ZSWIM8: variants seen among roughly 807,000 people sequenced by gnomAD.
The protein encoded by ZSWIM8 is zinc finger SWIM domain-containing protein 8.
In ZSWIM8, 27 loss-of-function variants were observed where a neutral mutation model predicts 173.7. The observed-to-expected ratio is 0.16, with a 90% CI of 0.11 to 0.21. The LOEUF (loss-of-function observed/expected upper bound fraction) is 0.21, where lower values mean the gene tolerates loss of function less well. Among genes scored for constraint, ZSWIM8 ranks in the 10% least tolerant of loss-of-function variants. The pLI, the probability that ZSWIM8 is intolerant of heterozygous loss-of-function variation, is 1.00. For missense variants in ZSWIM8, 1,627 were observed against 2,428.8 expected (o/e 0.67, Z 6.94); for synonymous variants, 958 against 962.0 (o/e 1.00, Z 0.08).
At chr10:73,788,215 A>G (rs1305226434) in intron 1 of ZSWIM8, among the ~76,000 whole-genome samples, 3 of 151,612 alleles carry the variant, frequency 2.0e-5, no homozygotes, top group South Asian at 2.1e-4. Context: ...GGGGGCCTAC[A>G]GTCATCTAGA....
At position 73,800,534 on chromosome 10, in the gene ZSWIM8, C is replaced by T; in HGVS notation, c.5002+62C>T. 1 of 1,604,032 alleles carries T rather than the reference C, an allele frequency of 6.2e-7. No homozygotes were observed. The highest frequency in any genetic ancestry group is 8.5e-7 in the Non-Finnish European group (1 of 1,173,970). On this transcript the variant is annotated intron_variant, in intron 23 of 25. Transcript: ENST00000604729. This position sits in a 1 kb window ranked among gnomAD's most constrained non-coding sequence, Gnocchi z 4.1. ...TTGTGCCAGTGGCTCTTCAGAGGACCCTTCCTCTAGCTCTTCATTTGTTTA... is the reference window on the plus strand; with the variant it reads ...TTGTGCCAGTGGCTCTTCAGAGGACTCTTCCTCTAGCTCTTCATTTGTTTA...
At chr10:73,786,710 T>A (rs2083240426) in intron 1 of ZSWIM8, 1 of 152,264 alleles carries the variant, frequency 6.6e-6, no homozygotes, top group Non-Finnish European at 1.5e-5. Context: ...ATCATAGACT[T>A]TGCTTCTGGC....
chr10:73,788,008 G>A (rs1565068598), intron 1 of ZSWIM8, among the ~76,000 whole-genome samples: 1 of 152,302 alleles, frequency 6.6e-6, no homozygotes, highest in South Asian at 2.1e-4. Context: ...TTAAAACACT[G>A]TGGAAAACCT....
Position 73,797,457 on chromosome 10 carries a change from G to A in ZSWIM8, c.3514G>A (p.Gly1172Ser). ...PTLSRRPLRGGWAPTSWGRGQ... is the reference protein window; with the variant it reads ...PTLSRRPLRGSWAPTSWGRGQ... The stretch of plus-strand genomic sequence containing the variant: ...CTTAAGCCGGAGACCACTTCGAGGG[G>A]GCTGGGCCCCCACCTCCTGGGGTCG... Residue 1172 changes from glycine (G) to serine (S), a missense_variant, in exon 18 of 26, where the codon GGC becomes AGC. Transcript: ENST00000604729. This position sits in a 1 kb window ranked among gnomAD's most constrained non-coding sequence, Gnocchi z 5.6. The A allele has an allele frequency of 1.2e-6, 2 of 1,613,964 alleles. No individual in the cohort carries two copies. The highest frequency in any genetic ancestry group is 1.7e-6 in the Non-Finnish European group (2 of 1,179,866).
chr10:73,786,173 C>G (rs941103305), intron 1 of ZSWIM8, 87 bp downstream of exon 1: 6 of 1,325,782 alleles, frequency 4.5e-6, no homozygotes, highest in Non-Finnish European at 5.9e-6. Context: ...TGTCCCCGAC[C>G]AAGAGCTCTC....
chr10:73,796,998 A>C lies in ZSWIM8; in HGVS notation c.3258A>C (p.Thr1086=), dbSNP rs1250550680. 1.2e-6 allele frequency: 2 copies of C among 1,611,110 alleles called. No individual in the cohort carries two copies. The highest frequency in any genetic ancestry group is 1.7e-6 in the Non-Finnish European group (2 of 1,177,956). The part of the protein sequence containing the change: ...GAGPGPTEGF[T]EKNVPESSPH... ...GGCCAGGCCCCACTGAGGGCTTCACAGAGAAGAATGTGCCTGGTGAGGTGG... is the reference window on the plus strand; with the variant it reads ...GGCCAGGCCCCACTGAGGGCTTCACCGAGAAGAATGTGCCTGGTGAGGTGG... The change falls in exon 16 of 26, where the codon ACA becomes ACC. Residue 1086 remains threonine (T), a synonymous_variant. Transcript: ENST00000604729.
In ZSWIM8 at chr10:73,792,197, G is replaced by A; in HGVS notation, c.1658G>A (p.Gly553Asp). The change falls in exon 10 of 26, where the codon GGT becomes GAT. Residue 553 changes from glycine to aspartate, a missense_variant. This residue lies in a region of ZSWIM8 where 383 missense variants were observed against 394.8 expected (regional missense o/e 0.97). Transcript: ENST00000604729. The surrounding 1 kb of genome is among the most constrained non-coding windows in gnomAD (Gnocchi z 4.3). ...CCTGGGACCAAGCGAAAGGGCTTGG[G>A]TGAGGGGGTCCCCTCATCACAGCGG... ...KEPGTKRKGL[G>D]EGVPSSQRGP... The A allele has an allele frequency of 6.5e-7, 1 of 1,536,848 alleles. No individual in the cohort carries two copies. Among genetic ancestry groups the A allele is most frequent in the South Asian group, 1.3e-5 (1 of 78,358 alleles).
Position 73,797,172 on chromosome 10 carries a change from C to A in ZSWIM8, c.3334C>A (p.Pro1112Thr). 6.2e-7 allele frequency: 1 copy of A among 1,613,858 alleles called. No individual in the cohort carries two copies. The highest frequency in any genetic ancestry group is 1.6e-4 in the Middle Eastern group (1 of 6,062). ...LPSEAALTPR[P>T]EGKVPSRLAL... is the part of the protein sequence containing the mutation. ...ATCTGAGGCAGCTTTGACCCCAAGGCCAGAAGGGAAGGTTCCTAGCCGCTT... is the reference window on the plus strand; with the variant it reads ...ATCTGAGGCAGCTTTGACCCCAAGGACAGAAGGGAAGGTTCCTAGCCGCTT... The change falls in exon 17 of 26, where the codon CCA becomes ACA. Residue 1112 changes from proline to threonine, a missense_variant. This residue lies in a region of ZSWIM8 where 163 missense variants were observed against 193.2 expected (regional missense o/e 0.84). Transcript: ENST00000604729. The surrounding 1 kb of genome is among the most constrained non-coding windows in gnomAD (Gnocchi z 5.6).
At chr10:73,796,662 C>T (rs2132759883) in intron 15 of ZSWIM8, 112 bp from the exon 16 acceptor site, 1 of 1,448,774 alleles carries the variant, frequency 6.9e-7, no homozygotes, top group Non-Finnish European at 9.2e-7. Context: ...GGGGAAGGCT[C>T]CCTGAGGATG....
chr10:73,794,087 G>A (rs754922385), intron 12 of ZSWIM8, 43 bp downstream of exon 12: 5 of 1,611,864 alleles, frequency 3.1e-6, no homozygotes, highest in Non-Finnish European at 4.2e-6. Flanking sequence ...TCTCTTTAGA[G>A]CCTTGCACCT....
Position 73,801,523 on chromosome 10 carries a change from T to TTTC in ZSWIM8, c.*5_*7dup. On this transcript the variant is annotated 3_prime_UTR_variant, in exon 26 of 26. Transcript: ENST00000604729. The surrounding 1 kb of genome is among the most constrained non-coding windows in gnomAD (Gnocchi z 4.9). ...GATGGCCACCTTCTCCCCCTGAGTC[T>TTTC]TTCACCCTTAGGGTCCTATACAGGG... The TTTC allele has an allele frequency of 6.2e-7, 1 of 1,613,638 alleles. No individual in the cohort carries two copies. Among genetic ancestry groups the TTTC allele is most frequent in the Admixed American group, 1.7e-5 (1 of 60,000 alleles).
In ZSWIM8 at chr10:73,792,600, C is replaced by T. The variant is rs781359162; in HGVS notation, c.2061C>T (p.Gly687=). The T allele has an allele frequency of 1.5e-5, 25 of 1,613,868 alleles. No homozygotes were observed. Among genetic ancestry groups the T allele is most frequent in the Non-Finnish European group, 1.7e-5 (20 of 1,179,874 alleles). The change falls in exon 10 of 26, where the codon GGC becomes GGT. Residue 687 remains glycine, a synonymous_variant. Transcript: ENST00000604729. This position sits in a 1 kb window ranked among gnomAD's most constrained non-coding sequence, Gnocchi z 4.3. ...EGPEPPTASV[G]PPGLLPGDVC... is the part of the protein sequence containing the mutation. ...CTGAGCCTCCCACAGCCTCTGTTGG[C>T]CCCCCTGGCCTACTGCCTGGGGATG... is the stretch of plus-strand genomic sequence containing the variant.
At position 73,789,014 on chromosome 10, in the gene ZSWIM8, T is replaced by G; in HGVS notation, c.363-82T>G. 2 of 1,025,930 alleles carry G rather than the reference T, an allele frequency of 1.9e-6. No homozygotes were observed. 63.6% of individuals were successfully genotyped at this position (1,025,930 alleles called of 1,614,324 possible). On this transcript the variant is annotated intron_variant, in intron 2 of 25. Transcript: ENST00000604729. This position sits in a 1 kb window ranked among gnomAD's most constrained non-coding sequence, Gnocchi z 6.8. ...GGAAGGAATGAGGCTAGGGAGAGAGTGCCTAGGGCATTGTGGTCTCTGACA... is the reference window on the plus strand; with the variant it reads ...GGAAGGAATGAGGCTAGGGAGAGAGGGCCTAGGGCATTGTGGTCTCTGACA...
rs375040107 is a variant in ZSWIM8 at position 73,800,790 on chromosome 10, C to A, written c.5122+31C>A. 4.0e-6 allele frequency: 6 copies of A among 1,488,264 alleles called. No homozygotes were observed. The South Asian group carries it at 6.4e-5, about 16-fold the overall frequency. 92.2% of individuals were successfully genotyped at this position (1,488,264 alleles called of 1,614,324 possible). A position where few individuals can be genotyped will look rare whatever the true frequency, so the allele number is the denominator to read the frequency against. On this transcript the variant is annotated intron_variant, in intron 24 of 25. Transcript: ENST00000604729. This position sits in a 1 kb window ranked among gnomAD's most constrained non-coding sequence, Gnocchi z 4.1. Reference sequence around the variant, plus strand: ...ACCTCCCCTCCCTAGGACCATTGCCCCCCCCCCACCTGCTCTCCCCACCTT... The same window carrying A: ...ACCTCCCCTCCCTAGGACCATTGCCACCCCCCCACCTGCTCTCCCCACCTT...
At chr10:73,795,711 A>G in intron 15 of ZSWIM8, 48 bp downstream of exon 15, 1 of 1,583,764 alleles carries the variant, frequency 6.3e-7, no homozygotes, top group Non-Finnish European at 8.6e-7. Context: ...TAATCCCAGC[A>G]GTTTGGGAGG....
At chr10:73,787,090 T>C (rs2083254667) in intron 1 of ZSWIM8, among the ~76,000 whole-genome samples, 1 of 152,048 alleles carries the variant, frequency 6.6e-6, no homozygotes, top group Non-Finnish European at 1.5e-5. Context: ...ATTACAGGCA[T>C]GTGTCACCAT....
Position 73,794,295 on chromosome 10 carries a change from T to C in ZSWIM8, c.2774T>C (p.Leu925Pro). ...CDYRPVLPLM[L>P]ASFIFDVLCA... ...TATCGGCCTGTGTTGCCTCTCATGCTGGCCAGTTTCATCTTTGACGTTCTC... is the reference window on the plus strand; with the variant it reads ...TATCGGCCTGTGTTGCCTCTCATGCCGGCCAGTTTCATCTTTGACGTTCTC... Residue 925 changes from leucine to proline, a missense_variant, in exon 13 of 26, where the codon CTG becomes CCG. By Grantham distance (98) the Leu-to-Pro change is moderately conservative. Coordinates refer to ENST00000604729, the MANE Select transcript of ZSWIM8 (RefSeq NM_001367799.1). 1 of 1,614,026 alleles carries C rather than the reference T, an allele frequency of 6.2e-7. No homozygotes were observed. Among genetic ancestry groups the C allele is most frequent in the Non-Finnish European group, 8.5e-7 (1 of 1,179,898 alleles).
rs779138742 is a variant in ZSWIM8, at chr10:73,796,726, G to C, written c.3034-48G>C. On this transcript the variant is annotated intron_variant, in intron 15 of 25. Transcript: ENST00000604729. ...AAGGTAATAGAAGTCAGGAGCTAAA[G>C]GGCATCCTGTCACTGCTTCTCTGGA... The C allele has an allele frequency of 5.6e-6, 9 of 1,602,128 alleles. No individual in the cohort carries two copies. The East Asian group carries it at 6.7e-5, about 12-fold the overall frequency.
In ZSWIM8 at chr10:73,785,627, G is replaced by T. The variant is rs769790363; in HGVS notation, c.-252G>T. 8.8e-6 allele frequency: 5 copies of T among 570,036 alleles called. No homozygotes were observed. The highest frequency in any genetic ancestry group is 3.9e-5 in the African/African-American group (2 of 50,758). The allele number at this position is 570,036 out of a possible 1,614,324, so 35.3% of individuals were successfully genotyped here. A position where few individuals can be genotyped will look rare whatever the true frequency, so the allele number is the denominator to read the frequency against. Reference sequence around the variant, plus strand: ...CCGCAGCCGCCTAGAGGCCCCAGCCGCCGAGCGCTTCGTCCCGGCCCTAAG... The same window carrying T: ...CCGCAGCCGCCTAGAGGCCCCAGCCTCCGAGCGCTTCGTCCCGGCCCTAAG... On this transcript the variant is annotated 5_prime_UTR_variant, in exon 1 of 26. Transcript: ENST00000604729.
Sources: allele counts gnomAD v4.1 joint callset (sites outside exome capture counted in the v4.1 genomes callset), GRCh38; gene constraint gnomAD v4.1.1; regional missense constraint gnomAD v4.1.1; non-coding constraint Gnocchi (gnomAD v3.1); transcripts MANE v1.5; gene names NCBI Gene and HGNC (gene_info 2026-07-23, HGNC 2026-07-21).